PRKACB: variants seen among roughly 807,000 people sequenced by gnomAD.
The protein encoded by PRKACB is protein kinase cAMP-activated catalytic subunit beta, also known as cAMP-dependent protein kinase catalytic subunit beta.
In PRKACB, 16 loss-of-function variants were observed where a neutral mutation model predicts 51.4. The observed-to-expected ratio is 0.31, with a 90% CI of 0.21 to 0.47. The LOEUF is 0.47. PRKACB is among the 20% of genes least tolerant of loss of function. The pLI is 1.00. For synonymous variants in PRKACB, 147 were observed against 154.4 expected (o/e 0.95, Z 0.35); for missense variants, 309 against 464.5 (o/e 0.67, Z 3.08).
intron 9 of PRKACB, among the ~76,000 whole-genome samples, chr1:84,229,830 T>G (rs1036305701): frequency 1.3e-5 from 2 of 152,154 alleles, no homozygotes; most frequent in African/African-American, 4.8e-5. Flanking sequence ...TTCTGGATAT[T>G]AGCCCTTTGT....
chr1:84,141,171 C>G (rs1653379489), upstream of PRKACB, among the ~76,000 whole-genome samples: 1 of 151,716 alleles, frequency 6.6e-6, no homozygotes, highest in South Asian at 2.1e-4. Flanking sequence ...GTTGATTACT[C>G]TCTAGTTTTA....
At chr1:84,179,146 G>A (rs747266798) in intron 1 of PRKACB, 31 bp from the exon 2 acceptor site, 2 of 1,547,056 alleles carry the variant, frequency 1.3e-6, no homozygotes, top group South Asian at 2.5e-5. Flanking sequence ...ATTCTTACAA[G>A]ATAAATTTGT....
intron 5 of PRKACB, among the ~76,000 whole-genome samples, chr1:84,188,786 C>T (rs1665924964): frequency 1.3e-5 from 2 of 151,932 alleles, no homozygotes; most frequent in South Asian, 4.2e-4. Context: ...AATCCCAAAG[C>T]TAATTCTAGA....
rs1019814014 is a variant in PRKACB at position 84,093,659 on chromosome 1, G to C, written c.46+15288G>C. ...TACACGAACCTTATAGGAATCTTGA[G>C]ATTGCATTGAATATATAGTAGTTTG... On this transcript the variant is annotated intron_variant, in intron 1 of 8. Coordinates refer to the PRKACB transcript ENST00000370688. Among the ~76,000 whole-genome samples the C allele has an allele frequency of 4.0e-5, 6 of 151,816 alleles. No homozygotes were observed. The East Asian group carries it at 5.8e-4, about 15-fold the overall frequency.
intron 1 of PRKACB, chr1:84,164,247 T>C: frequency 7.0e-7 from 1 of 1,438,746 alleles, no homozygotes; most frequent in Non-Finnish European, 9.2e-7. Context: ...TCATGAAAAA[T>C]GAAAGCTATC....
At chr1:84,138,710 C>A (rs1653089165) in intron 1 of PRKACB, among the ~76,000 whole-genome samples, 1 of 152,122 alleles carries the variant, frequency 6.6e-6, no homozygotes, top group Admixed American at 6.5e-5. Flanking sequence ...CTACCAAAAT[C>A]ATGCAAAGAT....
chr1:84,184,229 A>C (rs879477434), intron 4 of PRKACB, 94 bp downstream of exon 4: 4 of 1,074,568 alleles, frequency 3.7e-6, no homozygotes, highest in Non-Finnish European at 5.2e-6. Flanking sequence ...GATAAGCCTG[A>C]AGAATATGAA....
intron 5 of PRKACB, among the ~76,000 whole-genome samples, chr1:84,192,540 T>G (rs1309246029): frequency 1.3e-5 from 2 of 152,076 alleles, no homozygotes; most frequent in African/African-American, 4.8e-5. Context: ...TGAGGATTTT[T>G]GGGAAAAAAG....
chr1:84,161,125 A>G (rs557836596), intron 1 of PRKACB, among the ~76,000 whole-genome samples: 35 of 151,720 alleles, frequency 2.3e-4, no homozygotes, highest in African/African-American at 8.4e-4. Context: ...GTCCGTTTTT[A>G]TTTTAGTACT....
chr1:84,149,302 C>G (rs2100629654), intron 1 of PRKACB, among the ~76,000 whole-genome samples: 1 of 152,082 alleles, frequency 6.6e-6, no homozygotes, highest in South Asian at 2.1e-4. Context: ...CCGTGTCACC[C>G]AGGCTGGAGT....
intron 1 of PRKACB, among the ~76,000 whole-genome samples, chr1:84,156,007 G>C (rs781030140): frequency 5.3e-5 from 8 of 151,962 alleles, no homozygotes; most frequent in Non-Finnish European, 8.8e-5. Flanking sequence ...TTATTTTTTG[G>C]AGACAGGGTC....
intron 7 of PRKACB, among the ~76,000 whole-genome samples, chr1:84,202,164 G>A (rs921625952): frequency 2.4e-4 from 37 of 151,994 alleles, no homozygotes. Context: ...GAAGCAGATG[G>A]GATTATCCCT....
chr1:84,226,420 A>G (rs1186191321), intron 9 of PRKACB, among the ~76,000 whole-genome samples: 1 of 152,060 alleles, frequency 6.6e-6, no homozygotes, highest in East Asian at 1.9e-4. Context: ...TCATTCAGTA[A>G]AGTTTTAGAG....
chr1:84,164,725 G>A, intron 1 of PRKACB: 4 of 1,375,158 alleles, frequency 2.9e-6, no homozygotes, highest in Non-Finnish European at 3.8e-6. Context: ...GGTATATGAA[G>A]GAGGCTGGGA....
chr1:84,112,782 AGGGCTC>A (rs1650341084), intron 1 of PRKACB, among the ~76,000 whole-genome samples: 1 of 152,168 alleles, frequency 6.6e-6, no homozygotes, highest in Non-Finnish European at 1.5e-5. Flanking sequence ...TGTGTCTGAT[AGGGCTC>A]CCAAGAAACC....
At chr1:84,124,429 TTTACACACA>T in intron 1 of PRKACB, among the ~76,000 whole-genome samples, 1 of 152,330 alleles carries the variant, frequency 6.6e-6, no homozygotes, top group Non-Finnish European at 1.5e-5. Context: ...CCAGAATGCT[TTTACACACA>T]TTATCTGAAG....
chr1:84,131,452 A>G lies in PRKACB; in HGVS notation c.47-47725A>G, dbSNP rs1474447625. On this transcript the variant is annotated intron_variant, in intron 1 of 8. Coordinates refer to the PRKACB transcript ENST00000370688. Reference sequence around the variant, plus strand: ...GAAAAAAGCAACTCTGCAAATTTGCAGATGTTCAAGTAATTCAAAAGAAGG... The same window carrying G: ...GAAAAAAGCAACTCTGCAAATTTGCGGATGTTCAAGTAATTCAAAAGAAGG... 5.9e-5 allele frequency among the ~76,000 whole-genome samples: 9 copies of G among 152,322 alleles called. No individual in the cohort carries two copies. The East Asian group carries it at 1.5e-3, about 26-fold the overall frequency.
chr1:84,191,417 C>G (rs1666760401), intron 5 of PRKACB, among the ~76,000 whole-genome samples: 1 of 151,988 alleles, frequency 6.6e-6, no homozygotes, highest in Non-Finnish European at 1.5e-5. Context: ...ATGGAATTCC[C>G]TCTGTAAGTG....
intron 9 of PRKACB, among the ~76,000 whole-genome samples, chr1:84,226,775 G>A (rs1435162995): frequency 1.3e-5 from 2 of 151,998 alleles, no homozygotes; most frequent in African/African-American, 4.8e-5. Flanking sequence ...GAGCTTTCTT[G>A]TCTTGTTCCT....
Sources: allele counts gnomAD v4.1 joint callset (sites outside exome capture counted in the v4.1 genomes callset), GRCh38; gene constraint gnomAD v4.1.1; transcripts MANE v1.5; gene names NCBI Gene and HGNC (gene_info 2026-07-23, HGNC 2026-07-21).